MPPE1: variants seen among roughly 807,000 people sequenced by gnomAD.
MPPE1 encodes metallophosphoesterase 1.
In MPPE1, 28 loss-of-function variants were observed where a neutral mutation model predicts 43.8. The ratio of observed to expected loss-of-function variants is 0.64; its 90% confidence interval spans 0.47 to 0.88. The LOEUF (loss-of-function observed/expected upper bound fraction) is 0.88, where lower values mean the gene tolerates loss of function less well. Ranked by LOEUF, MPPE1 falls within the 40% of genes least tolerant of loss-of-function variation. The pLI is 0.00. For synonymous variants in MPPE1, 159 were observed against 188.5 expected (o/e 0.84, Z 1.28); for missense variants, 428 against 492.2 (o/e 0.87, Z 1.23).
Position 11,887,148 on chromosome 18 carries a change from T to G in MPPE1, c.570-123A>C. On this transcript the variant is annotated intron_variant, in intron 6 of 10. Coordinates refer to ENST00000588072, the MANE Select transcript of MPPE1 (RefSeq NM_023075.6). ...GAAACAAGCCCAGAGCAGCTTTCAA[T>G]CCCACCCAGAATAATTTGGTGTATT... The G allele has an allele frequency of 4.8e-6, 3 of 626,350 alleles. No individual in the cohort carries two copies. The South Asian group carries it at 6.2e-5, about 13-fold the overall frequency. The allele number at this position is 626,350 out of a possible 1,614,324, so 38.8% of individuals were successfully genotyped here.
chr18:11,900,075 C>T (rs566434413), intron 2 of MPPE1, among the ~76,000 whole-genome samples: 7 of 152,072 alleles, frequency 4.6e-5, no homozygotes, highest in Non-Finnish European at 8.8e-5. Flanking sequence ...AGGCTGGGCA[C>T]AGTGGCTCAA....
chr18:11,893,697 C>T (rs993827037), intron 3 of MPPE1, 121 bp from the exon 4 acceptor site: 2 of 739,568 alleles, frequency 2.7e-6, no homozygotes, highest in African/African-American at 3.5e-5. Flanking sequence ...CAGAGCCCCA[C>T]TCTTGCATTC....
chr18:11,900,279 G>A (rs143387444), intron 2 of MPPE1, among the ~76,000 whole-genome samples: 3,660 of 152,176 alleles, frequency 0.024, 69 homozygotes, highest in Middle Eastern at 0.095. Flanking sequence ...CCTGGGAGGC[G>A]GAGGTTGCAG....
rs1374683167 is a variant in MPPE1 at position 11,897,374 on chromosome 18, G to T, written c.-92-18C>A. 1.5e-5 allele frequency: 16 copies of T among 1,045,778 alleles called. No homozygotes were observed. The highest frequency in any genetic ancestry group is 2.0e-5 in the Non-Finnish European group (14 of 709,570). The allele number at this position is 1,045,778 out of a possible 1,614,324, so 64.8% of individuals were successfully genotyped here. ...CTGGGCACCTACGGGAAAAGGAAAA[G>T]AATTCAGTTATGTTCCCTAATAATA... is the stretch of plus-strand genomic sequence containing the variant. On this transcript the variant is annotated intron_variant, in intron 2 of 10. Coordinates refer to ENST00000588072, the MANE Select transcript of MPPE1 (RefSeq NM_023075.6).
At chr18:11,889,234 A>T (rs549624701) in intron 5 of MPPE1, among the ~76,000 whole-genome samples, 153 bp downstream of exon 5, 1 of 152,244 alleles carries the variant, frequency 6.6e-6, no homozygotes, top group South Asian at 2.1e-4. Flanking sequence ...CCAAGTAAAA[A>T]CCCCTTAAAG....
intron 2 of MPPE1, among the ~76,000 whole-genome samples, chr18:11,899,415 T>C (rs1428767964): frequency 2.0e-5 from 3 of 152,264 alleles, no homozygotes; most frequent in African/African-American, 4.8e-5. Flanking sequence ...GATGGCCTTC[T>C]TTTATAAGCT....
In MPPE1 at chr18:11,897,040, CA is replaced by C; in HGVS notation, c.224del (p.Leu75TrpfsTer11). 3 of 1,563,498 alleles carry C rather than the reference CA, an allele frequency of 1.9e-6. No individual in the cohort carries two copies. Among genetic ancestry groups the C allele is most frequent in the Middle Eastern group, 1.7e-4 (1 of 5,814 alleles). On this transcript the variant is annotated frameshift_variant, in exon 3 of 11. Transcript: ENST00000588072. LOFTEE classifies it high-confidence loss of function. ...TREPVLKAMF[L>X]ADTHLLGEFL... ...ATTCCCCAAGCAAATGGGTGTCAGC[CA>C]AAAACATGGCTTTGAGCACAGGCTC...
intron 1 of MPPE1, chr18:11,907,952 G>A (rs2143579150): frequency 6.6e-6 from 1 of 152,002 alleles, no homozygotes; most frequent in South Asian, 2.1e-4. Flanking sequence ...CTCATCAACT[G>A]CGACTTGCAT....
chr18:11,897,224 T>A lies in MPPE1; in HGVS notation c.41A>T (p.His14Leu). The A allele has an allele frequency of 8.6e-7, 1 of 1,167,800 alleles. No individual in the cohort carries two copies. 72.3% of individuals were successfully genotyped at this position (1,167,800 alleles called of 1,614,324 possible). The change falls in exon 3 of 11, where the codon CAT becomes CTT. Residue 14 changes from histidine to leucine, a missense_variant. Physicochemically the swap from His to Leu is moderately conservative, Grantham distance 99. Transcript: ENST00000588072. The part of the protein sequence containing the change: ...IELGFGRQNF[H>L]PLKRKSSLLL... ...CAATGAACTCTTCCTCTTTAATGGA[T>A]GAAAATTCTGTCTTCCAAACCCCAA...
chr18:11,892,355 GAAAAAAA>G lies in MPPE1; in HGVS notation c.390+1106_390+1112del, dbSNP rs548540889. ...ACTCCATCCCCCATAGCACCAAAAA[GAAAAAAA>G]AAAAAAAAAGAAAAAGAAAAAGAAA... is the stretch of plus-strand genomic sequence containing the variant. On this transcript the variant is annotated intron_variant, in intron 4 of 10. Transcript: ENST00000588072. 2.1e-3 allele frequency among the ~76,000 whole-genome samples: 196 copies of G among 93,512 alleles called. 1 individual carries two copies. The highest frequency in any genetic ancestry group is 6.6e-3 in the African/African-American group (186 of 28,032). 61.3% of individuals were successfully genotyped at this position (93,512 alleles called of 152,430 possible). A position where few individuals can be genotyped will look rare whatever the true frequency, so the allele number is the denominator to read the frequency against.
chr18:11,888,174 A>AG (rs768688486), intron 6 of MPPE1, among the ~76,000 whole-genome samples: 4 of 152,220 alleles, frequency 2.6e-5, no homozygotes, highest in Non-Finnish European at 5.9e-5. Context: ...GGTCAGGCTA[A>AG]GGGTCAGGAT....
At position 11,884,097 on chromosome 18, in the gene MPPE1, C is replaced by G. The variant is rs2036828127; in HGVS notation, c.*348G>C. ...ATTTATTTATGTATACACATAATCCCAAGTGTGTGCTGGGGCCACCAGGCC... is the reference window on the plus strand; with the variant it reads ...ATTTATTTATGTATACACATAATCCGAAGTGTGTGCTGGGGCCACCAGGCC... On this transcript the variant is annotated 3_prime_UTR_variant, in exon 11 of 11. Coordinates refer to ENST00000588072, the MANE Select transcript of MPPE1 (RefSeq NM_023075.6). 1 of 226,320 alleles carries G rather than the reference C, an allele frequency of 4.4e-6. No homozygotes were observed. Among genetic ancestry groups the G allele is most frequent in the Non-Finnish European group, 8.9e-6 (1 of 112,382 alleles). 14.0% of individuals were successfully genotyped at this position (226,320 alleles called of 1,614,324 possible). A position where few individuals can be genotyped will look rare whatever the true frequency, so the allele number is the denominator to read the frequency against.
chr18:11,898,412 T>C (rs1008264800), intron 2 of MPPE1, among the ~76,000 whole-genome samples: 5 of 152,032 alleles, frequency 3.3e-5, no homozygotes, highest in African/African-American at 9.7e-5. Flanking sequence ...ATGATAATAG[T>C]CTACTCCCTG....
chr18:11,886,537 C>T lies in MPPE1; in HGVS notation c.829G>A (p.Glu277Lys). ...TCCCGTGAAAGCACGTCATAGTTCT[C>T]CTTAAATGGGATGTCCCTTTCCTCT... Reference protein sequence around the residue: ...PAEERDIPFKENYDVLSREAS... With the variant: ...PAEERDIPFKKNYDVLSREAS... Residue 277 changes from glutamate to lysine, a missense_variant, in exon 9 of 11, where the codon GAG (glutamate) becomes AAG (lysine). Around this residue, in one of 3 missense-constraint regions of MPPE1, gnomAD observed 379 missense variants for 402.5 expected, o/e 0.94. Coordinates refer to ENST00000588072, the MANE Select transcript of MPPE1 (RefSeq NM_023075.6). The surrounding 1 kb of genome is among the most constrained non-coding windows in gnomAD (Gnocchi z 4.1). 6.2e-7 allele frequency: 1 copy of T among 1,614,196 alleles called. No individual in the cohort carries two copies. Among genetic ancestry groups the T allele is most frequent in the Non-Finnish European group, 8.5e-7 (1 of 1,180,036 alleles).
chr18:11,891,532 A>T (rs940606351), intron 4 of MPPE1: 6 of 152,238 alleles, frequency 3.9e-5, no homozygotes, highest in Non-Finnish European at 7.3e-5. Flanking sequence ...AGACATAGAA[A>T]AACATAAAAT....
In MPPE1 at chr18:11,884,472, GT is replaced by G. The variant is rs1334657064; in HGVS notation, c.1163del (p.Asn388ThrfsTer16). The G allele has an allele frequency of 1.2e-6, 2 of 1,613,990 alleles. No individual in the cohort carries two copies. Among genetic ancestry groups the G allele is most frequent in the Admixed American group, 1.7e-5 (1 of 59,986 alleles). On this transcript the variant is annotated frameshift_variant, in exon 11 of 11. Transcript: ENST00000588072. LOFTEE classifies it high-confidence loss of function. ...ATCTTGTCTTACGCTTTCCGAGCAA[GT>G]TCAAACCAGAAAGAAAAGGTGAGGC... The part of the protein sequence containing the change: ...LLASPFLSGL[N>X]LLGKRKTR
At chr18:11,887,573 GGA>G (rs1157566087) in intron 6 of MPPE1, among the ~76,000 whole-genome samples, 2 of 152,172 alleles carry the variant, frequency 1.3e-5, no homozygotes, top group African/African-American at 4.8e-5. Flanking sequence ...AACTGGGTAT[GGA>G]TAATCCCAAA....
intron 2 of MPPE1, among the ~76,000 whole-genome samples, chr18:11,903,989 T>A (rs539439282): frequency 6.6e-6 from 1 of 152,336 alleles, no homozygotes; most frequent in South Asian, 2.1e-4. Context: ...AGTGGAATTA[T>A]TTTTTTCTGA....
intron 4 of MPPE1, among the ~76,000 whole-genome samples, chr18:11,892,656 A>T (rs1204761044): frequency 1.3e-5 from 2 of 150,476 alleles, no homozygotes; most frequent in African/African-American, 4.9e-5. Flanking sequence ...CTGGGCAACG[A>T]GTGAAACTCC....
Sources: gnomAD v4.1 joint callset for allele counts (sites outside exome capture counted in the v4.1 genomes callset) on GRCh38, gnomAD v4.1.1 for gene constraint, gnomAD v4.1.1 regional missense constraint, Gnocchi (gnomAD v3.1) non-coding constraint, MANE v1.5 for transcripts, NCBI Gene and HGNC (gene_info 2026-07-23, HGNC 2026-07-21) for gene names.